Variants in SEMA3E observed in about 807,000 individuals in gnomAD.
The protein encoded by SEMA3E is semaphorin 3E, also known as semaphorin-3E.
SEMA3E carries 49 observed loss-of-function variants against 93.6 expected under a neutral mutation model. The ratio of observed to expected loss-of-function variants is 0.52; its 90% confidence interval spans 0.42 to 0.66. SEMA3E has a LOEUF of 0.66. Among genes scored for constraint, SEMA3E ranks in the 30% least tolerant of loss-of-function variants. The pLI, the probability that SEMA3E is intolerant of heterozygous loss-of-function variation, is 0.00. For missense variants in SEMA3E, 906 were observed against 964.8 expected (o/e 0.94, Z 0.81); for synonymous variants, 363 against 330.7 (o/e 1.10, Z -1.06).
Position 83,494,832 on chromosome 7 carries a change from A to T in SEMA3E, c.116-4558T>A, listed in dbSNP as rs182686740. Among the ~76,000 whole-genome samples the T allele has an allele frequency of 6.8e-4, 103 of 152,070 alleles. 1 individual carries two copies. The highest frequency in any genetic ancestry group is 2.3e-3 in the African/African-American group (94 of 41,534). ...AATAGCTCCTGCATTTCCCAATTCA[A>T]ATTCTCAAGGGAAATAATGAAATTG... On this transcript the variant is annotated intron_variant, in intron 1 of 16. Coordinates refer to ENST00000643230, the MANE Select transcript of SEMA3E (RefSeq NM_012431.3).
intron 1 of SEMA3E, among the ~76,000 whole-genome samples, chr7:83,582,645 A>G (rs10046594): frequency 0.21 from 32,607 of 152,084 alleles, 3,672 homozygotes; most frequent in Middle Eastern, 0.29. Context: ...TTATCAAAAT[A>G]ATTTAATATC....
chr7:83,554,429 C>T (rs569288765), intron 1 of SEMA3E, among the ~76,000 whole-genome samples: 5 of 152,218 alleles, frequency 3.3e-5, no homozygotes, highest in African/African-American at 1.2e-4. Flanking sequence ...AAGATACGTG[C>T]ACGCAATACT....
chr7:83,619,554 T>G (rs1793502154), intron 1 of SEMA3E, among the ~76,000 whole-genome samples: 1 of 151,774 alleles, frequency 6.6e-6, no homozygotes, highest in South Asian at 2.1e-4. Context: ...AAAAGAGAAA[T>G]GAAGAAAATG....
intron 4 of SEMA3E, among the ~76,000 whole-genome samples, chr7:83,450,278 T>C (rs1175754145): frequency 6.6e-6 from 1 of 152,116 alleles, no homozygotes; most frequent in Non-Finnish European, 1.5e-5. Flanking sequence ...ATATACTAAC[T>C]AAAAACACAC....
At chr7:83,473,953 C>T (rs1004628300) in intron 2 of SEMA3E, among the ~76,000 whole-genome samples, 10 of 151,732 alleles carry the variant, frequency 6.6e-5, no homozygotes, top group East Asian at 1.9e-4. Flanking sequence ...ACTAGCCAGG[C>T]GTGGTGGTGT....
At chr7:83,575,285 G>C (rs1792376167) in intron 1 of SEMA3E, among the ~76,000 whole-genome samples, 1 of 151,322 alleles carries the variant, frequency 6.6e-6, no homozygotes, top group South Asian at 2.1e-4. Flanking sequence ...GATAGAAATA[G>C]ATCACAGTGT....
intron 1 of SEMA3E, chr7:83,641,327 C>A (rs1218738213): frequency 1.0e-6 from 1 of 965,590 alleles, no homozygotes; most frequent in Non-Finnish European, 1.2e-6. Flanking sequence ...CACCAGATAT[C>A]TTACCTGTTC....
chr7:83,437,858 A>G (rs2713165), intron 4 of SEMA3E, among the ~76,000 whole-genome samples: 95,924 of 151,968 alleles, frequency 0.63, 33,636 homozygotes, highest in East Asian at 1. Flanking sequence ...TTATATCACA[A>G]AGACTTCGAT....
chr7:83,604,170 G>C (rs1793055541), intron 1 of SEMA3E, among the ~76,000 whole-genome samples: 1 of 152,094 alleles, frequency 6.6e-6, no homozygotes, highest in African/African-American at 2.4e-5. Context: ...AAGCAAATAG[G>C]TTGAAGGAGG....
intron 4 of SEMA3E, among the ~76,000 whole-genome samples, chr7:83,458,567 C>G (rs892396941): frequency 6.6e-5 from 10 of 151,764 alleles, no homozygotes; most frequent in Admixed American, 1.3e-4. Flanking sequence ...TATGTGCAAG[C>G]AAATGAAAGG....
intron 1 of SEMA3E, among the ~76,000 whole-genome samples, chr7:83,606,981 A>G (rs1275555078): frequency 6.6e-6 from 1 of 152,166 alleles, no homozygotes; most frequent in Non-Finnish European, 1.5e-5. Flanking sequence ...TAATGTAGGG[A>G]ATGACAAATA....
intron 1 of SEMA3E, among the ~76,000 whole-genome samples, chr7:83,533,554 G>GATAAA (rs201440310): frequency 0.016 from 2,344 of 149,848 alleles, 21 homozygotes; most frequent in Non-Finnish European, 0.02. Flanking sequence ...AATAAAATAC[G>GATAAA]ATAAAATAAA....
At chr7:83,459,139 C>A (rs1156545674) in intron 4 of SEMA3E, among the ~76,000 whole-genome samples, 1 of 151,652 alleles carries the variant, frequency 6.6e-6, no homozygotes, top group African/African-American at 2.4e-5. Context: ...CCCACTCCTG[C>A]AAACATAAAG....
chr7:83,373,215 C>G (rs1160737564), intron 16 of SEMA3E: 1 of 152,062 alleles, frequency 6.6e-6, no homozygotes, highest in Non-Finnish European at 1.5e-5. Flanking sequence ...GCAGTTATTT[C>G]CATGTCTACC....
chr7:83,563,749 A>G (rs1792083491), intron 1 of SEMA3E, among the ~76,000 whole-genome samples: 1 of 152,178 alleles, frequency 6.6e-6, no homozygotes, highest in South Asian at 2.1e-4. Context: ...ATGAAAATAT[A>G]TGGCTGTTAA....
chr7:83,648,013 T>C (rs992937423), intron 1 of SEMA3E, among the ~76,000 whole-genome samples: 1 of 152,184 alleles, frequency 6.6e-6, no homozygotes, highest in African/African-American at 2.4e-5. Flanking sequence ...ATTGCACCCC[T>C]ATTTCTATAG....
At chr7:83,425,703 G>T (rs1788756745) in intron 4 of SEMA3E, among the ~76,000 whole-genome samples, 1 of 151,942 alleles carries the variant, frequency 6.6e-6, no homozygotes. Flanking sequence ...TCTTTTGCCT[G>T]GATATCATTC....
chr7:83,565,662 T>C (rs1792132568), intron 1 of SEMA3E, among the ~76,000 whole-genome samples: 1 of 152,222 alleles, frequency 6.6e-6, no homozygotes. Flanking sequence ...ATATACAAAC[T>C]TAAAAATTGT....
chr7:83,620,409 A>G (rs1793527190), intron 1 of SEMA3E, among the ~76,000 whole-genome samples: 1 of 152,122 alleles, frequency 6.6e-6, no homozygotes, highest in South Asian at 2.1e-4. Flanking sequence ...GCTGAATGCT[A>G]CCAGACGTAC....
Sources: gnomAD v4.1 joint callset for allele counts (sites outside exome capture counted in the v4.1 genomes callset) on GRCh38, gnomAD v4.1.1 for gene constraint, MANE v1.5 for transcripts, NCBI Gene and HGNC (gene_info 2026-07-23, HGNC 2026-07-21) for gene names.